Variants in CACNA2D3 observed in about 807,000 individuals in gnomAD.
CACNA2D3 encodes calcium voltage-gated channel auxiliary subunit alpha2delta 3.
In CACNA2D3, 60 loss-of-function variants were observed where a neutral mutation model predicts 160.6. That is an observed-to-expected ratio of 0.37 (90% CI 0.30 to 0.46). CACNA2D3 has a LOEUF of 0.46. Among genes scored for constraint, CACNA2D3 ranks in the 20% least tolerant of loss-of-function variants. The pLI is 1.00. For missense variants in CACNA2D3, 1,205 were observed against 1,365.0 expected (o/e 0.88, Z 1.85); for synonymous variants, 558 against 492.9 (o/e 1.13, Z -1.75).
At chr3:54,376,763 G>C (rs1157164139) in intron 3 of CACNA2D3, among the ~76,000 whole-genome samples, 1 of 152,176 alleles carries the variant, frequency 6.6e-6, no homozygotes, top group Non-Finnish European at 1.5e-5. Flanking sequence ...TTGGCTCAGA[G>C]AGGTATTATA....
rs773859554 is a variant in CACNA2D3, at chr3:54,532,741, G to T, written c.544+29087G>T. Among the ~76,000 whole-genome samples, 3 of 152,184 alleles carry T rather than the reference G, an allele frequency of 2.0e-5. No homozygotes were observed. In the South Asian group the frequency reaches 6.2e-4, roughly 32 times the overall value. On this transcript the variant is annotated intron_variant, in intron 5 of 37. Transcript: ENST00000474759. ...GTTGATTCCATATCTTTGTTATTGC[G>T]AATAGTGCTGCAATAAACATTTGGA...
At chr3:54,859,597 A>G (rs1699241360) in intron 17 of CACNA2D3, among the ~76,000 whole-genome samples, 1 of 152,134 alleles carries the variant, frequency 6.6e-6, no homozygotes, top group Non-Finnish European at 1.5e-5. Flanking sequence ...TCCATTATGT[A>G]GCATGATAGG....
chr3:54,436,887 T>C (rs1393868365), intron 4 of CACNA2D3, among the ~76,000 whole-genome samples: 2 of 152,152 alleles, frequency 1.3e-5, no homozygotes, highest in African/African-American at 2.4e-5. Flanking sequence ...ATGGCACATG[T>C]ATACCTATGA....
intron 35 of CACNA2D3, among the ~76,000 whole-genome samples, chr3:55,051,642 G>C (rs1704218401): frequency 6.6e-6 from 1 of 152,158 alleles, no homozygotes; most frequent in Non-Finnish European, 1.5e-5. Flanking sequence ...CCCAGTTCGA[G>C]CTTCCGGGCT....
At chr3:55,072,807 T>C (rs1012007897) in intron 35 of CACNA2D3, among the ~76,000 whole-genome samples, 11 of 152,238 alleles carry the variant, frequency 7.2e-5, no homozygotes, top group African/African-American at 2.7e-4. Flanking sequence ...TAAGTTGGAC[T>C]AACTATCCTG....
At position 54,981,514 on chromosome 3, in the gene CACNA2D3, G is replaced by C. The variant is rs151071386; in HGVS notation, c.2557-3094G>C. 3.9e-3 allele frequency among the ~76,000 whole-genome samples: 599 copies of C among 152,182 alleles called. 2 individuals are homozygous for C. Among genetic ancestry groups the C allele is most frequent in the Non-Finnish European group, 7.2e-3 (488 of 67,984 alleles). On this transcript the variant is annotated intron_variant, in intron 29 of 37. Coordinates refer to ENST00000474759, the MANE Select transcript of CACNA2D3 (RefSeq NM_018398.3). Reference sequence around the variant, plus strand: ...TGGGAGCGAGGGGGAGAGAAAGAAAGAGAGGAAAAAGGAGAGAGAGAGAGA... The same window carrying C: ...TGGGAGCGAGGGGGAGAGAAAGAAACAGAGGAAAAAGGAGAGAGAGAGAGA...
chr3:55,074,203 G>C lies in CACNA2D3; in HGVS notation c.3273G>C (p.Arg1091Ser). The C allele has an allele frequency of 1.9e-6, 3 of 1,612,208 alleles. No individual in the cohort carries two copies. The highest frequency in any genetic ancestry group is 2.5e-6 in the Non-Finnish European group (3 of 1,178,574). ...CTCTGCTTTTGATGCTCTTCTCAAG[G>C]TGACACTGACTGAGATGTTCTCTTA... The part of the protein sequence containing the change: ...LLPLLLMLFS[R>S] Residue 1091 changes from arginine to serine, a missense_variant, in exon 38 of 38, where the codon AGG (arginine) becomes AGC (serine). By Grantham distance (110) the Arg-to-Ser change is moderately radical. Coordinates refer to ENST00000474759, the MANE Select transcript of CACNA2D3 (RefSeq NM_018398.3).
At chr3:54,861,943 C>T (rs371170459) in intron 17 of CACNA2D3, among the ~76,000 whole-genome samples, 12 of 152,280 alleles carry the variant, frequency 7.9e-5, no homozygotes, top group South Asian at 4.1e-4. Flanking sequence ...TTTATTCAGA[C>T]CAGCATGCAT....
intron 27 of CACNA2D3, among the ~76,000 whole-genome samples, chr3:54,942,217 TTTA>T (rs1701488633): frequency 6.6e-6 from 1 of 152,110 alleles, no homozygotes; most frequent in Admixed American, 6.5e-5. Context: ...TGTCAGTGCT[TTTA>T]ACGCCAGCCC....
intron 2 of CACNA2D3, among the ~76,000 whole-genome samples, chr3:54,158,865 G>A (rs1367386169): frequency 6.6e-6 from 1 of 152,140 alleles, no homozygotes; most frequent in African/African-American, 2.4e-5. Flanking sequence ...TATTTCATTT[G>A]TCCTACCTCT....
intron 4 of CACNA2D3, among the ~76,000 whole-genome samples, chr3:54,480,701 T>G (rs1700918946): frequency 1.3e-5 from 2 of 152,256 alleles, no homozygotes; most frequent in South Asian, 4.1e-4. Flanking sequence ...TATCTCCATT[T>G]GGGGGTTCTT....
At chr3:54,419,090 A>G (rs1472136542) in intron 4 of CACNA2D3, among the ~76,000 whole-genome samples, 1 of 152,174 alleles carries the variant, frequency 6.6e-6, no homozygotes, top group African/African-American at 2.4e-5. Context: ...GTTAAAATAC[A>G]ATTTGCCAAA....
intron 9 of CACNA2D3, among the ~76,000 whole-genome samples, chr3:54,599,400 A>G (rs1236368767): frequency 2.6e-5 from 4 of 152,240 alleles, no homozygotes; most frequent in African/African-American, 9.6e-5. Flanking sequence ...TCATGTGAAT[A>G]CAGCCTGACA....
intron 11 of CACNA2D3, among the ~76,000 whole-genome samples, chr3:54,733,288 A>G (rs1012164632): frequency 6.6e-6 from 1 of 152,172 alleles, no homozygotes; most frequent in Non-Finnish European, 1.5e-5. Flanking sequence ...GTCACTTGGC[A>G]GTCATAGATT....
chr3:54,386,155 G>A (rs1267744500), intron 3 of CACNA2D3, among the ~76,000 whole-genome samples: 1 of 152,182 alleles, frequency 6.6e-6, no homozygotes, highest in Non-Finnish European at 1.5e-5. Flanking sequence ...TTAAGTGATT[G>A]CTTTATTGGG....
chr3:54,139,978 C>T (rs969534823), intron 2 of CACNA2D3, among the ~76,000 whole-genome samples: 3 of 152,192 alleles, frequency 2.0e-5, no homozygotes, highest in Non-Finnish European at 2.9e-5. Context: ...GGGTTCGAAT[C>T]CTGGCTCCAC....
chr3:54,298,147 G>T (rs1392565732), intron 2 of CACNA2D3, among the ~76,000 whole-genome samples: 1 of 152,208 alleles, frequency 6.6e-6, no homozygotes, highest in African/African-American at 2.4e-5. Context: ...CTTACAGGCA[G>T]TGGCCCTTGA....
chr3:54,703,180 A>G (rs981075169), intron 11 of CACNA2D3, among the ~76,000 whole-genome samples: 3 of 152,168 alleles, frequency 2.0e-5, no homozygotes, highest in Admixed American at 6.5e-5. Context: ...CGCCAGTGAC[A>G]TGCAATTTAC....
chr3:54,922,133 C>T (rs576938934), intron 27 of CACNA2D3, among the ~76,000 whole-genome samples: 3 of 152,134 alleles, frequency 2.0e-5, no homozygotes, highest in East Asian at 1.9e-4. Context: ...TGTTGAAATG[C>T]GTCACAGAAT....
Sources: gnomAD v4.1 joint callset for allele counts (sites outside exome capture counted in the v4.1 genomes callset) on GRCh38, gnomAD v4.1.1 for gene constraint, MANE v1.5 for transcripts, NCBI Gene and HGNC (gene_info 2026-07-23, HGNC 2026-07-21) for gene names.